MCPH1: variants seen among roughly 807,000 people sequenced by gnomAD.
MCPH1 encodes microcephalin 1.
In MCPH1, 104 loss-of-function variants were observed where a neutral mutation model predicts 84.5. That is an observed-to-expected ratio of 1.23 (90% CI 1.05 to 1.45). The LOEUF (loss-of-function observed/expected upper bound fraction) is 1.45, where lower values mean the gene tolerates loss of function less well. Among genes scored for constraint, MCPH1 ranks in the 40% most tolerant of loss-of-function variants. MCPH1 has a pLI of 0.00. For synonymous variants in MCPH1, 514 were observed against 366.8 expected (o/e 1.40, Z -4.58); for missense variants, 1,498 against 1,005.7 (o/e 1.49, Z -6.62).
At position 6,420,888 on chromosome 8, in the gene MCPH1, G is replaced by A. The variant is rs28552800; in HGVS notation, c.233+6005G>A. On this transcript the variant is annotated intron_variant, in intron 3 of 13. Transcript: ENST00000344683. The stretch of plus-strand genomic sequence containing the variant: ...CACGGAGGAGCATAAGGCAAAAGAA[G>A]AGACTGACGCAAGGGTCAGAGCAGG... Among the ~76,000 whole-genome samples, 945 of 152,286 alleles carry A rather than the reference G, an allele frequency of 6.2e-3. 10 individuals carry two copies. Among genetic ancestry groups the A allele is most frequent in the African/African-American group, 0.022 (903 of 41,556 alleles).
chr8:6,567,293 G>A (rs556678495), intron 12 of MCPH1, among the ~76,000 whole-genome samples: 1 of 40,758 alleles, frequency 2.5e-5, no homozygotes, highest in African/African-American at 4.5e-5. Flanking sequence ...CATGGATAGT[G>A]TACACGGTGC....
chr8:6,570,162 C>A (rs558155585), intron 12 of MCPH1, among the ~76,000 whole-genome samples: 1 of 152,296 alleles, frequency 6.6e-6, no homozygotes, highest in South Asian at 2.1e-4. Flanking sequence ...CAATGTGGAT[C>A]GCTGGAAGAA....
intron 13 of MCPH1, among the ~76,000 whole-genome samples, chr8:6,639,216 G>T (rs189088826): frequency 6.6e-6 from 1 of 152,194 alleles, no homozygotes; most frequent in Non-Finnish European, 1.5e-5. Context: ...TAGATGGGTA[G>T]ATGGGTGGAT....
chr8:6,581,382 C>A (rs1827552781), intron 12 of MCPH1, among the ~76,000 whole-genome samples: 1 of 152,190 alleles, frequency 6.6e-6, no homozygotes, highest in Admixed American at 6.5e-5. Context: ...TCCACAAATC[C>A]AATGTCCCTA....
chr8:6,568,718 C>T (rs553821731), intron 12 of MCPH1, among the ~76,000 whole-genome samples: 35 of 152,210 alleles, frequency 2.3e-4, no homozygotes, highest in Admixed American at 6.5e-4. Flanking sequence ...GTGCTGACAT[C>T]GTTTTCCATC....
In MCPH1 at chr8:6,503,331, C is replaced by T. The variant is rs1812577181; in HGVS notation, c.2214+3402C>T. The T allele has an allele frequency of 9.6e-6, 15 of 1,559,926 alleles. No individual in the cohort carries two copies. In the South Asian group the frequency reaches 1.4e-4, roughly 14 times the overall value. On this transcript the variant is annotated intron_variant, in intron 12 of 13. Coordinates refer to ENST00000344683, the MANE Select transcript of MCPH1 (RefSeq NM_024596.5). ...AGCTCCCACCACGAAGACAGCAATA[C>T]TCAGCTAAGGCAGGAGGCACACTGC...
intron 13 of MCPH1, chr8:6,626,501 G>C: frequency 1.2e-6 from 1 of 810,868 alleles, no homozygotes; most frequent in Non-Finnish European, 1.5e-6. Flanking sequence ...TGCGTTTTGA[G>C]AGAGCACACT....
chr8:6,435,747 G>C (rs1314961350), intron 4 of MCPH1, among the ~76,000 whole-genome samples: 1 of 152,080 alleles, frequency 6.6e-6, no homozygotes, highest in Non-Finnish European at 1.5e-5. Context: ...GGTAAGAACA[G>C]CAAAAAATCG....
At chr8:6,544,228 C>A (rs1822128185) in intron 12 of MCPH1, among the ~76,000 whole-genome samples, 1 of 152,178 alleles carries the variant, frequency 6.6e-6, no homozygotes, top group South Asian at 2.1e-4. Flanking sequence ...GAAGCTGGGA[C>A]CTCTGTTTAT....
chr8:6,632,389 G>A (rs1390098577), intron 13 of MCPH1, among the ~76,000 whole-genome samples: 1 of 152,084 alleles, frequency 6.6e-6, no homozygotes, highest in Non-Finnish European at 1.5e-5. Flanking sequence ...GATAGTTTTA[G>A]TAGTAAGTTT....
chr8:6,425,650 TCAGG>T (rs1390711765), intron 3 of MCPH1, among the ~76,000 whole-genome samples: 1 of 152,204 alleles, frequency 6.6e-6, no homozygotes, highest in African/African-American at 2.4e-5. Flanking sequence ...ATAACCTATG[TCAGG>T]CACACGTTTT....
intron 12 of MCPH1, among the ~76,000 whole-genome samples, chr8:6,605,944 C>G (rs747362955): frequency 1.7e-4 from 26 of 152,108 alleles, no homozygotes; most frequent in African/African-American, 7.2e-5. Flanking sequence ...TGATCTACCC[C>G]CCTTGGCCCC....
chr8:6,529,171 G>A (rs1425440620), intron 12 of MCPH1, among the ~76,000 whole-genome samples: 1 of 152,160 alleles, frequency 6.6e-6, no homozygotes, highest in Non-Finnish European at 1.5e-5. Flanking sequence ...TCAAACCGCT[G>A]GACCAGCCTG....
At chr8:6,611,101 C>T (rs1014791534) in intron 12 of MCPH1, among the ~76,000 whole-genome samples, 22 of 147,820 alleles carry the variant, frequency 1.5e-4, no homozygotes, top group Non-Finnish European at 3.0e-5. Context: ...TACACACACA[C>T]ATACACACAC....
intron 12 of MCPH1, among the ~76,000 whole-genome samples, chr8:6,551,924 T>G: frequency 6.6e-6 from 1 of 152,358 alleles, no homozygotes; most frequent in Non-Finnish European, 1.5e-5. Context: ...AATAATTTTT[T>G]GAGATTCCAA....
chr8:6,422,258 G>T (rs569910298), intron 3 of MCPH1, among the ~76,000 whole-genome samples: 82 of 152,206 alleles, frequency 5.4e-4, no homozygotes, highest in African/African-American at 1.7e-3. Context: ...GTAAATATTT[G>T]TTCTAACAAA....
intron 9 of MCPH1, among the ~76,000 whole-genome samples, chr8:6,473,320 CTTTTTTTT>C (rs56077837): frequency 1.3e-5 from 1 of 76,396 alleles, no homozygotes; most frequent in African/African-American, 5.3e-5. Context: ...TCTCTCAATC[CTTTTTTTT>C]TTTTTTTTTT....
At position 6,409,382 on chromosome 8, in the gene MCPH1, A is replaced by G. The variant is rs370673352; in HGVS notation, c.114+12A>G. 1.5e-5 allele frequency: 23 copies of G among 1,582,120 alleles called. No individual in the cohort carries two copies. The African/African-American group carries it at 2.2e-4, about 15-fold the overall frequency. On this transcript the variant is annotated intron_variant, in intron 2 of 13. Transcript: ENST00000344683. ...ATATGGGGGCAAAGGTAAGACACTT[A>G]TTTTGCTGTTGATTCATATGACAGT...
At chr8:6,555,000 C>G (rs1824337312) in intron 12 of MCPH1, among the ~76,000 whole-genome samples, 1 of 152,134 alleles carries the variant, frequency 6.6e-6, no homozygotes, top group African/African-American at 2.4e-5. Flanking sequence ...GACCTAGAGT[C>G]CAGGCAGTGG....
Sources: allele counts gnomAD v4.1 joint callset (sites outside exome capture counted in the v4.1 genomes callset), GRCh38; gene constraint gnomAD v4.1.1; transcripts MANE v1.5; gene names NCBI Gene and HGNC (gene_info 2026-07-23, HGNC 2026-07-21).